Variants in CLMN observed in about 807,000 individuals in gnomAD.
CLMN encodes calmin.
Under a neutral mutation model 92.7 loss-of-function variants are expected in CLMN, and 57 were observed. The ratio of observed to expected loss-of-function variants is 0.61; its 90% CI spans 0.50 to 0.77. CLMN has a LOEUF of 0.77. CLMN is among the 30% of genes least tolerant of loss of function. The probability of loss-of-function intolerance (pLI) is 0.00; values close to 1 mark genes in which losing one functional copy is unlikely to be tolerated. For missense variants in CLMN, 1,158 were observed against 1,237.5 expected (o/e 0.94, Z 0.96); for synonymous variants, 466 against 470.6 (o/e 0.99, Z 0.13).
intron 1 of CLMN, among the ~76,000 whole-genome samples, chr14:95,245,903 A>AATGGATGG (rs61217941): frequency 0.05 from 7,479 of 148,248 alleles, 211 homozygotes; most frequent in Middle Eastern, 0.11. Context: ...CACACGGATG[A>AATGGATGG]ATGGATGGAT....
intron 1 of CLMN, among the ~76,000 whole-genome samples, chr14:95,236,230 G>A (rs976574110): frequency 5.9e-5 from 9 of 152,214 alleles, no homozygotes; most frequent in Admixed American, 2.6e-4. Flanking sequence ...AACACGTGAC[G>A]GCTGAGGTGC....
In CLMN at chr14:95,243,545, C is replaced by T. The variant is rs11849689; in HGVS notation, c.83-13412G>A. 1.8e-3 allele frequency among the ~76,000 whole-genome samples: 279 copies of T among 152,226 alleles called. 2 individuals are homozygous for T. The highest frequency in any genetic ancestry group is 6.3e-3 in the African/African-American group (260 of 41,540). On this transcript the variant is annotated intron_variant, in intron 1 of 12. Coordinates refer to ENST00000298912, the MANE Select transcript of CLMN (RefSeq NM_024734.4). ...CCAGTCCTAGCACTCACTCCTCCCT[C>T]ACCTAACCCCTACTAAAATTTTTCC...
At chr14:95,296,438 C>A (rs1289380057) in intron 1 of CLMN, among the ~76,000 whole-genome samples, 1 of 152,208 alleles carries the variant, frequency 6.6e-6, no homozygotes, top group African/African-American at 2.4e-5. Context: ...CCCCAAATAA[C>A]CATTCTCTCT....
chr14:95,222,358 C>T (rs1897572666), intron 3 of CLMN: 1 of 262,288 alleles, frequency 3.8e-6, no homozygotes, highest in Admixed American at 4.8e-5. Flanking sequence ...AAAACTCTGA[C>T]AAGGTTAGCT....
intron 1 of CLMN, among the ~76,000 whole-genome samples, chr14:95,258,198 T>C (rs952939864): frequency 3.3e-5 from 5 of 151,838 alleles, no homozygotes; most frequent in Non-Finnish European, 7.4e-5. Flanking sequence ...GTATGCATAG[T>C]GCATATGATG....
chr14:95,240,323 C>A (rs1488825562), intron 1 of CLMN, among the ~76,000 whole-genome samples: 1 of 152,190 alleles, frequency 6.6e-6, no homozygotes, highest in Non-Finnish European at 1.5e-5. Context: ...CATCTCCCAG[C>A]CTCCTATGCA....
chr14:95,223,633 TA>T (rs1449792591), intron 3 of CLMN, 126 bp downstream of exon 3: 7 of 665,956 alleles, frequency 1.1e-5, no homozygotes, highest in African/African-American at 1.8e-5. Flanking sequence ...TAGGCACTAA[TA>T]AAAAAAGTCA....
At chr14:95,317,914 T>C (rs1258657596) in intron 1 of CLMN, among the ~76,000 whole-genome samples, 1 of 152,210 alleles carries the variant, frequency 6.6e-6, no homozygotes, top group Non-Finnish European at 1.5e-5. Context: ...TTGTAACTGA[T>C]GTTTGCCTAA....
chr14:95,279,555 G>A lies in CLMN; in HGVS notation c.82+40156C>T, dbSNP rs1033914960. ...TCCCAGCACTTTGGGAGGCCCAGGT[G>A]GGCGGATCATGAGGTCAGGAGATCG... is the stretch of plus-strand genomic sequence containing the variant. On this transcript the variant is annotated intron_variant, in intron 1 of 12. Transcript: ENST00000298912. Among the ~76,000 whole-genome samples the A allele has an allele frequency of 1.7e-4, 26 of 152,228 alleles. 1 individual carries two copies. Among genetic ancestry groups the A allele is most frequent in the African/African-American group, 6.3e-4 (26 of 41,456 alleles).
intron 1 of CLMN, among the ~76,000 whole-genome samples, chr14:95,237,310 A>T (rs1898088173): frequency 6.6e-6 from 1 of 152,178 alleles, no homozygotes; most frequent in Admixed American, 6.5e-5. Flanking sequence ...AGACAAGTAG[A>T]CCCGGCACCT....
At chr14:95,221,618 C>T in intron 4 of CLMN, 73 bp downstream of exon 4, 1 of 1,319,306 alleles carries the variant, frequency 7.6e-7, no homozygotes, top group South Asian at 1.2e-5. Context: ...TTGCGACCAG[C>T]ACTGAACTTC....
At chr14:95,311,156 C>T (rs191225511) in intron 1 of CLMN, among the ~76,000 whole-genome samples, 37 of 152,256 alleles carry the variant, frequency 2.4e-4, no homozygotes, top group African/African-American at 7.2e-4. Flanking sequence ...ATGAACAGTG[C>T]TATCTGAAGG....
chr14:95,297,811 G>GCACACACA lies in CLMN; in HGVS notation c.82+21892_82+21899dup, dbSNP rs3219870. ...TTTTTGGCTATTATGAATATGGCAG[G>GCACACACA]CACACACACACACACACACACACAC... On this transcript the variant is annotated intron_variant, in intron 1 of 12. Coordinates refer to ENST00000298912, the MANE Select transcript of CLMN (RefSeq NM_024734.4). 9.2e-3 allele frequency among the ~76,000 whole-genome samples: 1,337 copies of GCACACACA among 145,100 alleles called. 13 individuals are homozygous for GCACACACA. The highest frequency in any genetic ancestry group is 0.025 in the African/African-American group (976 of 38,900).
At chr14:95,193,201 G>A (rs186711646) in intron 12 of CLMN, 95 of 646,106 alleles carry the variant, frequency 1.5e-4, no homozygotes, top group East Asian at 1.1e-4. Context: ...GAATGGGGAC[G>A]TCTCAGAATT....
In CLMN at chr14:95,191,896, A is replaced by G; in HGVS notation, c.2841-164T>C. The G allele has an allele frequency of 1.7e-6, 1 of 586,896 alleles. No homozygotes were observed. The highest frequency in any genetic ancestry group is 2.9e-6 in the Non-Finnish European group (1 of 347,702). 36.4% of individuals were successfully genotyped at this position (586,896 alleles called of 1,614,324 possible). On this transcript the variant is annotated intron_variant, in intron 12 of 12. Transcript: ENST00000298912. This position sits in a 1 kb window ranked among gnomAD's most constrained non-coding sequence, Gnocchi z 5.3. The stretch of plus-strand genomic sequence containing the variant: ...GGCCCCACACTGTGTGTACTGGCCC[A>G]AGGCAGTGCGTCGGGCCATCCAGGC...
intron 12 of CLMN, among the ~76,000 whole-genome samples, chr14:95,193,624 G>A (rs891754267): frequency 4.6e-5 from 7 of 152,028 alleles, no homozygotes; most frequent in African/African-American, 9.7e-5. Flanking sequence ...ACTCATTTTC[G>A]GAACCGGGCC....
intron 6 of CLMN, among the ~76,000 whole-genome samples, chr14:95,211,998 A>G (rs1897213011): frequency 2.6e-5 from 4 of 152,172 alleles, no homozygotes; most frequent in Admixed American, 2.6e-4. Context: ...CTTCTACCCT[A>G]ACCCCTGACA....
At chr14:95,318,110 T>C (rs1901875303) in intron 1 of CLMN, among the ~76,000 whole-genome samples, 1 of 152,186 alleles carries the variant, frequency 6.6e-6, no homozygotes, top group South Asian at 2.1e-4. Flanking sequence ...AACCAGGAGC[T>C]AATCCTAGAG....
intron 4 of CLMN, among the ~76,000 whole-genome samples, chr14:95,216,728 C>T (rs1897361512): frequency 6.6e-6 from 1 of 152,136 alleles, no homozygotes; most frequent in Non-Finnish European, 1.5e-5. Flanking sequence ...TTGTAGAAAC[C>T]CTCAGGGTCT....
Sources: gnomAD v4.1 joint callset for allele counts (sites outside exome capture counted in the v4.1 genomes callset) on GRCh38, gnomAD v4.1.1 for gene constraint, Gnocchi (gnomAD v3.1) non-coding constraint, MANE v1.5 for transcripts, NCBI Gene and HGNC (gene_info 2026-07-23, HGNC 2026-07-21) for gene names.